Variants in GLRB observed in about 807,000 individuals in gnomAD.
GLRB encodes the protein glycine receptor beta.
In GLRB, 33 loss-of-function variants were observed where a neutral mutation model predicts 54.2. The ratio of observed to expected loss-of-function variants is 0.61; its 90% CI spans 0.46 to 0.81. The LOEUF (loss-of-function observed/expected upper bound fraction) is 0.81, where lower values mean the gene tolerates loss of function less well. GLRB is among the 40% of genes least tolerant of loss of function. The pLI is 0.00. For missense variants in GLRB, 572 were observed against 584.6 expected (o/e 0.98, Z 0.22); for synonymous variants, 209 against 208.2 (o/e 1.00, Z -0.03).
intron 4 of GLRB, among the ~76,000 whole-genome samples, chr4:157,128,416 T>C (rs935480693): frequency 6.6e-6 from 1 of 151,896 alleles, no homozygotes; most frequent in Admixed American, 6.6e-5. Context: ...TTTCTCTTTC[T>C]AGTAATTTGA....
intron 9 of GLRB, among the ~76,000 whole-genome samples, chr4:157,170,052 A>C (rs1258481494): frequency 6.6e-6 from 1 of 152,134 alleles, no homozygotes; most frequent in African/African-American, 2.4e-5. Context: ...ACATTTTTAT[A>C]ATCCATACAT....
chr4:157,170,563 A>T lies in GLRB; in HGVS notation c.1329A>T (p.Glu443Asp), dbSNP rs754270916. 6.8e-6 allele frequency: 11 copies of T among 1,613,410 alleles called. No individual in the cohort carries two copies. In the East Asian group the frequency reaches 2.5e-4, roughly 36 times the overall value. Residue 443 changes from glutamate to aspartate, a missense_variant, in exon 10 of 10, where the codon GAA becomes GAT. Transcript: ENST00000264428. ...ATGACTGCTATGGAAAACCCATTGA[A>T]GTTAACAACGGACTTGGGAAATCTC... ...SNYDCYGKPI[E>D]VNNGLGKSQA...
At chr4:157,127,793 C>A (rs74434780) in intron 4 of GLRB, among the ~76,000 whole-genome samples, 1,844 of 151,906 alleles carry the variant, frequency 0.012, 43 homozygotes, top group African/African-American at 0.042. Flanking sequence ...GAGGTTCATT[C>A]CTCAGAGGCT....
chr4:157,125,916 T>A (rs781782293), intron 4 of GLRB, among the ~76,000 whole-genome samples: 9 of 151,742 alleles, frequency 5.9e-5, no homozygotes, highest in Middle Eastern at 3.2e-3. Flanking sequence ...CCAAAGGAAG[T>A]CTTAACATTT....
intron 8 of GLRB, among the ~76,000 whole-genome samples, chr4:157,145,766 C>A (rs76979831): frequency 6.6e-6 from 1 of 151,956 alleles, no homozygotes; most frequent in African/African-American, 2.4e-5. Context: ...AGAAAGGCCA[C>A]AGTGAGAGGG....
Position 157,156,604 on chromosome 4 carries a change from T to G in GLRB, c.1197+3594T>G, listed in dbSNP as rs1737236395. ...TTCTGTTATCTGCCAGTACACTGATTTTTTTCCTCTGCCCTTTACATTTTC... is the reference window on the plus strand; with the variant it reads ...TTCTGTTATCTGCCAGTACACTGATGTTTTTCCTCTGCCCTTTACATTTTC... On this transcript the variant is annotated intron_variant, in intron 9 of 9. Coordinates refer to ENST00000264428, the MANE Select transcript of GLRB (RefSeq NM_000824.5). 2.0e-5 allele frequency among the ~76,000 whole-genome samples: 3 copies of G among 152,196 alleles called. No homozygotes were observed. In the South Asian group the frequency reaches 6.2e-4, roughly 32 times the overall value.
At chr4:157,076,970 C>A (rs1465140333) in intron 1 of GLRB, among the ~76,000 whole-genome samples, 1 of 15,120 alleles carries the variant, frequency 6.6e-5, no homozygotes, top group South Asian at 1.4e-3. Flanking sequence ...GGGGAAGAAT[C>A]CTGGGGGGGG....
At chr4:157,116,072 C>A (rs1446773215) in intron 2 of GLRB, among the ~76,000 whole-genome samples, 3 of 151,776 alleles carry the variant, frequency 2.0e-5, no homozygotes, top group Non-Finnish European at 4.4e-5. Flanking sequence ...GAATGTTCTA[C>A]AGTTAATAGA....
intron 2 of GLRB, among the ~76,000 whole-genome samples, chr4:157,105,628 A>T (rs912272587): frequency 2.6e-5 from 4 of 151,990 alleles, no homozygotes. Context: ...GTCTCCTGCT[A>T]TTATTGTATT....
At chr4:157,117,752 G>A (rs1228884355) in intron 2 of GLRB, among the ~76,000 whole-genome samples, 1 of 151,646 alleles carries the variant, frequency 6.6e-6, no homozygotes, top group African/African-American at 2.4e-5. Flanking sequence ...GGAAGTACTT[G>A]AACCAATGTG....
At chr4:157,095,882 T>A (rs1028744709) in intron 2 of GLRB, among the ~76,000 whole-genome samples, 2 of 152,094 alleles carry the variant, frequency 1.3e-5, no homozygotes, top group African/African-American at 4.8e-5. Flanking sequence ...GTGCCTCAGA[T>A]GTGGTCACAC....
intron 9 of GLRB, among the ~76,000 whole-genome samples, chr4:157,162,732 G>C (rs1579254674): frequency 6.6e-6 from 1 of 152,306 alleles, no homozygotes; most frequent in East Asian, 1.9e-4. Context: ...TGTATGAGGT[G>C]TCAGTTGGCC....
rs78567159 is a variant in GLRB, at chr4:157,122,468, T to C, written c.297+71T>C. On this transcript the variant is annotated intron_variant, in intron 4 of 9. Transcript: ENST00000264428. Reference sequence around the variant, plus strand: ...GGAGATAGTGAAAGTAACATTAAAATTGAACAATAAGGAGCAACTCAAATA... The same window carrying C: ...GGAGATAGTGAAAGTAACATTAAAACTGAACAATAAGGAGCAACTCAAATA... 0.029 allele frequency: 18,545 copies of C among 632,386 alleles called. 580 individuals are homozygous for C. The highest frequency in any genetic ancestry group is 0.13 in the East Asian group (4,533 of 35,202). The allele number at this position is 632,386 out of a possible 1,614,324, so 39.2% of individuals were successfully genotyped here.
intron 1 of GLRB, 96 bp from the exon 2 acceptor site, chr4:157,077,900 G>T (rs907427149): frequency 1.4e-5 from 10 of 710,432 alleles, no homozygotes; most frequent in Non-Finnish European, 2.4e-6. Context: ...AAATGTACTT[G>T]CCCTTTGGGT....
chr4:157,145,013 T>C (rs1736756219), intron 8 of GLRB, among the ~76,000 whole-genome samples: 3 of 152,106 alleles, frequency 2.0e-5, no homozygotes, highest in Non-Finnish European at 4.4e-5. Flanking sequence ...ACTGGGAAAA[T>C]AACCAAAAAA....
intron 2 of GLRB, among the ~76,000 whole-genome samples, chr4:157,100,365 C>T (rs1480652543): frequency 1.3e-5 from 2 of 152,070 alleles, no homozygotes; most frequent in African/African-American, 4.8e-5. Context: ...TTGAAAAATC[C>T]TGTACATTAC....
chr4:157,117,850 T>C (rs1199016640), intron 2 of GLRB, among the ~76,000 whole-genome samples: 1 of 151,664 alleles, frequency 6.6e-6, no homozygotes, highest in African/African-American at 2.4e-5. Flanking sequence ...TTTTGTCTAG[T>C]TGGTAATATA....
intron 4 of GLRB, among the ~76,000 whole-genome samples, chr4:157,129,507 T>C (rs1162890677): frequency 6.6e-6 from 1 of 151,784 alleles, no homozygotes; most frequent in Admixed American, 6.6e-5. Flanking sequence ...TTGTAAAAAT[T>C]TGAAATATTC....
At chr4:157,090,749 A>AT (rs1302591075) in intron 2 of GLRB, among the ~76,000 whole-genome samples, 1 of 152,126 alleles carries the variant, frequency 6.6e-6, no homozygotes, top group East Asian at 1.9e-4. Flanking sequence ...TGGGTTTTGC[A>AT]TTTTTTCCAA....
Sources: gnomAD v4.1 joint callset for allele counts (sites outside exome capture counted in the v4.1 genomes callset) on GRCh38, gnomAD v4.1.1 for gene constraint, MANE v1.5 for transcripts, NCBI Gene and HGNC (gene_info 2026-07-23, HGNC 2026-07-21) for gene names.